PLGLB1: variants seen among roughly 807,000 people sequenced by gnomAD.
PLGLB1 encodes the protein plasminogen like B1.
rs1682411303 is a variant in PLGLB1 at position 87,021,074 on chromosome 2, A to G, written c.49+661T>C. Among the ~76,000 whole-genome samples the G allele has an allele frequency of 2.7e-5, 4 of 147,106 alleles. No individual in the cohort carries two copies. The South Asian group carries it at 8.7e-4, about 32-fold the overall frequency. On this transcript the variant is annotated intron_variant, in intron 1 of 3. Coordinates refer to ENST00000355705, the MANE Select transcript of PLGLB1 (RefSeq NM_001032392.4). ...ATAAGCTAGTATTTGTAAAGGACAC[A>G]CACTCACACTCACATTCACACACAG...
intron 1 of PLGLB1, among the ~76,000 whole-genome samples, chr2:87,020,804 TA>T (rs888358563): frequency 6.9e-6 from 1 of 145,384 alleles, no homozygotes; most frequent in Admixed American, 6.7e-5. Context: ...AGCTTTTTTT[TA>T]AAAAAAGAAA....
rs1364531464 is a variant in PLGLB1 at position 87,019,847 on chromosome 2, AT to A, written c.49+1887del. The stretch of plus-strand genomic sequence containing the variant: ...TTTTAATTTGAAATAATTTTCCCCC[AT>A]TTTTTTTTTCTCTTATTCACCTCTA... On this transcript the variant is annotated intron_variant, in intron 1 of 3. Coordinates refer to ENST00000355705, the MANE Select transcript of PLGLB1 (RefSeq NM_001032392.4). Among the ~76,000 whole-genome samples, 51 of 85,686 alleles carry A rather than the reference AT, an allele frequency of 6.0e-4. 11 individuals carry two copies. The East Asian group carries it at 6.2e-3, about 10-fold the overall frequency. The allele number at this position is 85,686 out of a possible 152,430, so 56.2% of individuals were successfully genotyped here.
chr2:87,018,418 T>C (rs1198769631), intron 1 of PLGLB1: 2 of 72,518 alleles, frequency 2.8e-5, no homozygotes, highest in Non-Finnish European at 5.2e-5. Flanking sequence ...GAATGGTCCC[T>C]CCTTGAGGCA....
In PLGLB1 at chr2:87,019,154, A is replaced by G. The variant is rs1339827747; in HGVS notation, c.50-1466T>C. Among the ~76,000 whole-genome samples the G allele has an allele frequency of 2.5e-5, 2 of 80,286 alleles. 1 individual carries two copies. Among genetic ancestry groups the G allele is most frequent in the Admixed American group, 2.1e-4 (2 of 9,614 alleles). 52.7% of individuals were successfully genotyped at this position (80,286 alleles called of 152,430 possible). Reference sequence around the variant, plus strand: ...GGTTCTGAAAGATGACACACTGCAGAGCACACTGGTTTGTATGCTGATGAC... The same window carrying G: ...GGTTCTGAAAGATGACACACTGCAGGGCACACTGGTTTGTATGCTGATGAC... On this transcript the variant is annotated intron_variant, in intron 1 of 3. Transcript: ENST00000355705.
intron 1 of PLGLB1, among the ~76,000 whole-genome samples, chr2:87,020,978 T>G (rs371464997): frequency 6.6e-6 from 1 of 152,094 alleles, no homozygotes; most frequent in African/African-American, 2.4e-5. Context: ...ATAACATGAT[T>G]TTCCTAAGTC....
intron 3 of PLGLB1, among the ~76,000 whole-genome samples, chr2:87,014,484 A>G (rs1437807431): frequency 6.8e-6 from 1 of 148,092 alleles, no homozygotes; most frequent in African/African-American, 2.5e-5. Context: ...ACACTCATCA[A>G]AGTGTAAACT....
chr2:87,017,391 C>A (rs1426593792), intron 2 of PLGLB1, 162 bp downstream of exon 2: 3 of 61,032 alleles, frequency 4.9e-5, no homozygotes, highest in Non-Finnish European at 7.6e-5. Flanking sequence ...TAAACCTTAA[C>A]AAGAAGCTGT....
intron 1 of PLGLB1, among the ~76,000 whole-genome samples, chr2:87,021,226 C>T (rs1346777755): frequency 2.3e-5 from 2 of 88,006 alleles, no homozygotes; most frequent in East Asian, 3.4e-4. Context: ...TAGAGGCAAA[C>T]GTATACTGAT....
At chr2:87,021,011 G>A (rs1682409155) in intron 1 of PLGLB1, among the ~76,000 whole-genome samples, 1 of 151,896 alleles carries the variant, frequency 6.6e-6, no homozygotes, top group South Asian at 2.1e-4. Flanking sequence ...TTTATAAAAT[G>A]AGGGTGAATA....
chr2:87,017,159 T>C (rs561249891), intron 2 of PLGLB1, among the ~76,000 whole-genome samples: 2 of 144,204 alleles, frequency 1.4e-5, no homozygotes, highest in East Asian at 4.0e-4. Context: ...TTTTTTAACA[T>C]TATATCCAGT....
chr2:87,011,126 C>T lies in PLGLB1; in HGVS notation c.*1995G>A. On this transcript the variant is annotated 3_prime_UTR_variant, in exon 4 of 4. Transcript: ENST00000355705. ...CAGTAGTCATCTCTCTGTTCTGGAT[C>T]AGTAGTATAGCACCAGGGCCCCTGC... 3 of 429,826 alleles carry T rather than the reference C, an allele frequency of 7.0e-6. 1 individual carries two copies. The highest frequency in any genetic ancestry group is 2.1e-5 in the South Asian group (1 of 48,314). 26.6% of individuals were successfully genotyped at this position (429,826 alleles called of 1,614,324 possible).
intron 1 of PLGLB1, among the ~76,000 whole-genome samples, chr2:87,020,812 G>A (rs200092622): frequency 1.4e-4 from 20 of 142,204 alleles, no homozygotes; most frequent in African/African-American, 3.7e-4. Flanking sequence ...TTTAAAAAAA[G>A]AAAAAGAAAA....
intron 3 of PLGLB1, chr2:87,013,571 C>T (rs1682276484): frequency 1.2e-5 from 1 of 80,424 alleles, no homozygotes; most frequent in African/African-American, 5.8e-5. Flanking sequence ...TTTTCCGAGG[C>T]TGAAAGAGAT....
At position 87,010,874 on chromosome 2, in the gene PLGLB1, C is replaced by T. The variant is rs1215462236; in HGVS notation, c.*2247G>A. Among the ~76,000 whole-genome samples, 2 of 82,082 alleles carry T rather than the reference C, an allele frequency of 2.4e-5. 1 individual carries two copies. The highest frequency in any genetic ancestry group is 4.5e-5 in the Non-Finnish European group (2 of 44,222). The allele number at this position is 82,082 out of a possible 152,430, so 53.8% of individuals were successfully genotyped here. A position where few individuals can be genotyped will look rare whatever the true frequency, so the allele number is the denominator to read the frequency against. Reference sequence around the variant, plus strand: ...TGAGCTGAGATCGCACCATTGCACTCTAGCCTGGGCAATGAGAGCAAAATT... The same window carrying T: ...TGAGCTGAGATCGCACCATTGCACTTTAGCCTGGGCAATGAGAGCAAAATT... On this transcript the variant is annotated 3_prime_UTR_variant, in exon 4 of 4. Transcript: ENST00000355705.
intron 1 of PLGLB1, among the ~76,000 whole-genome samples, chr2:87,020,769 C>A (rs1259468702): frequency 6.9e-6 from 1 of 144,452 alleles, no homozygotes; most frequent in Non-Finnish European, 1.5e-5. Flanking sequence ...TGGGTGAATT[C>A]TATACATTAA....
intron 1 of PLGLB1, chr2:87,018,772 C>G (rs1682368944): frequency 2.3e-5 from 1 of 43,494 alleles, no homozygotes; most frequent in Admixed American, 2.1e-4. Flanking sequence ...CCAAGGGGGC[C>G]TCAGCTGTGC....
intron 1 of PLGLB1, among the ~76,000 whole-genome samples, chr2:87,021,047 A>T (rs1405535112): frequency 6.6e-6 from 1 of 150,694 alleles, no homozygotes; most frequent in Non-Finnish European, 1.5e-5. Context: ...ACCGCGAGCT[A>T]AATAAGCTAG....
Position 87,010,645 on chromosome 2 carries a change from T to C in PLGLB1, c.*2476A>G, listed in dbSNP as rs62148335. 1.2e-3 allele frequency among the ~76,000 whole-genome samples: 19 copies of C among 15,304 alleles called. No individual in the cohort carries two copies. Among genetic ancestry groups the C allele is most frequent in the African/African-American group, 2.1e-3 (4 of 1,878 alleles). The allele number at this position is 15,304 out of a possible 152,430, so 10.0% of individuals were successfully genotyped here. A position where few individuals can be genotyped will look rare whatever the true frequency, so the allele number is the denominator to read the frequency against. On this transcript the variant is annotated 3_prime_UTR_variant, in exon 4 of 4. Transcript: ENST00000355705. Reference sequence around the variant, plus strand: ...CAGGTCTGCTGGGCATGGTGGCTCATGCCTGTAATCCCAGCACTTTGGGAG... The same window carrying C: ...CAGGTCTGCTGGGCATGGTGGCTCACGCCTGTAATCCCAGCACTTTGGGAG...
chr2:87,017,243 T>C (rs1345479965), intron 2 of PLGLB1, among the ~76,000 whole-genome samples: 4 of 125,378 alleles, frequency 3.2e-5, no homozygotes, highest in African/African-American at 5.5e-5. Flanking sequence ...TAGGACACTT[T>C]CATTCATATG....
Sources: gnomAD v4.1 joint callset for allele counts (sites outside exome capture counted in the v4.1 genomes callset) on GRCh38, gnomAD v4.1.1 for gene constraint, MANE v1.5 for transcripts, NCBI Gene and HGNC (gene_info 2026-07-23, HGNC 2026-07-21) for gene names.